Variants in SLC25A17 observed in about 807,000 individuals in gnomAD.
SLC25A17 encodes the protein peroxisomal membrane protein PMP34.
Under a neutral mutation model 38.5 loss-of-function variants are expected in SLC25A17, and 26 were observed. That is an observed-to-expected ratio of 0.68 (90% confidence interval 0.50 to 0.94). The LOEUF is 0.94. Ranked by LOEUF, SLC25A17 falls within the 40% of genes least tolerant of loss-of-function variation. SLC25A17 has a pLI of 0.00. For missense variants in SLC25A17, 333 were observed against 372.7 expected, an observed-to-expected ratio of 0.89 and a Z score of 0.88; for synonymous variants, 139 against 136.2, an observed-to-expected ratio of 1.02 and a Z score of -0.14.
intron 1 of SLC25A17, chr22:40,799,754 T>A (rs948339261): frequency 6.6e-6 from 1 of 152,148 alleles, no homozygotes; most frequent in African/African-American, 2.4e-5. Context: ...TTTTAATCTA[T>A]TAGGATTAGC....
chr22:40,793,618 CT>C (rs368063631), intron 3 of SLC25A17, among the ~76,000 whole-genome samples: 30 of 146,354 alleles, frequency 2.0e-4, no homozygotes, highest in South Asian at 2.2e-4. Context: ...TTTCTATTTT[CT>C]TTTTTTTTTT....
At chr22:40,795,515 C>A (rs2057421079) in intron 2 of SLC25A17, among the ~76,000 whole-genome samples, 1 of 151,630 alleles carries the variant, frequency 6.6e-6, no homozygotes, top group Admixed American at 6.6e-5. Flanking sequence ...TGGTCTTGAT[C>A]TCCTGACCTC....
intron 1 of SLC25A17, among the ~76,000 whole-genome samples, chr22:40,801,981 G>A (rs766628554): frequency 5.9e-5 from 9 of 152,068 alleles, no homozygotes; most frequent in Admixed American, 2.6e-4. Context: ...TAGTGGAGAC[G>A]GGGTTTCATC....
At position 40,789,260 on chromosome 22, in the gene SLC25A17, C is replaced by T. The variant is rs551053622; in HGVS notation, c.334+3265G>A. ...CAGATGCTTCGTAATGCAGTCTGCT[C>T]GAGGCATGGGCTGCAGCCCGGTCCC... On this transcript the variant is annotated intron_variant, in intron 4 of 8. Coordinates refer to ENST00000435456, the MANE Select transcript of SLC25A17 (RefSeq NM_006358.4). This position sits in a 1 kb window ranked among gnomAD's most constrained non-coding sequence, Gnocchi z 4.5. The T allele has an allele frequency of 1.2e-3, 203 of 165,746 alleles. 1 individual carries two copies. Among genetic ancestry groups the T allele is most frequent in the Admixed American group, 1.9e-3 (30 of 15,614 alleles). The allele number at this position is 165,746 out of a possible 1,614,324, so 10.3% of individuals were successfully genotyped here.
chr22:40,812,765 T>C (rs763719852), intron 1 of SLC25A17, among the ~76,000 whole-genome samples: 1 of 152,040 alleles, frequency 6.6e-6, no homozygotes, highest in Non-Finnish European at 1.5e-5. Flanking sequence ...CCCAGCACTT[T>C]AGGAGGTGGG....
chr22:40,802,304 C>T (rs2057490918), intron 1 of SLC25A17, among the ~76,000 whole-genome samples: 1 of 152,104 alleles, frequency 6.6e-6, no homozygotes, highest in South Asian at 2.1e-4. Context: ...GAACAGTCAG[C>T]CCAAACAGCT....
intron 8 of SLC25A17, among the ~76,000 whole-genome samples, chr22:40,771,225 A>C (rs1261597673): frequency 6.6e-6 from 1 of 152,044 alleles, no homozygotes; most frequent in Non-Finnish European, 1.5e-5. Flanking sequence ...CTCCTGCCTC[A>C]GCCTCCCTAG....
intron 7 of SLC25A17, among the ~76,000 whole-genome samples, chr22:40,775,835 TG>T (rs1204067595): frequency 6.6e-6 from 1 of 152,192 alleles, no homozygotes; most frequent in Non-Finnish European, 1.5e-5. Context: ...AGGACATGTT[TG>T]CTTCCCCTTC....
chr22:40,786,850 T>C (rs572289162), intron 4 of SLC25A17, among the ~76,000 whole-genome samples: 2 of 152,310 alleles, frequency 1.3e-5, no homozygotes, highest in South Asian at 2.1e-4. Flanking sequence ...AGGGCTGCCA[T>C]TTAGTAAAAT....
intron 1 of SLC25A17, among the ~76,000 whole-genome samples, chr22:40,802,739 C>T (rs1168820551): frequency 1.3e-5 from 2 of 152,126 alleles, no homozygotes; most frequent in African/African-American, 2.4e-5. Context: ...TAGCTGAAAA[C>T]CCACCACTGC....
At position 40,789,279 on chromosome 22, in the gene SLC25A17, C is replaced by G. The variant is rs117904694; in HGVS notation, c.334+3246G>C. The G allele has an allele frequency of 6.2e-6, 1 of 160,344 alleles. No individual in the cohort carries two copies. Among genetic ancestry groups the G allele is most frequent in the Non-Finnish European group, 1.4e-5 (1 of 72,882 alleles). 9.9% of individuals were successfully genotyped at this position (160,344 alleles called of 1,614,324 possible). ...TCTGCTCGAGGCATGGGCTGCAGCCCGGTCCCTGCGTCCTACAGAGACACC... is the reference window on the plus strand; with the variant it reads ...TCTGCTCGAGGCATGGGCTGCAGCCGGGTCCCTGCGTCCTACAGAGACACC... On this transcript the variant is annotated intron_variant, in intron 4 of 8. Transcript: ENST00000435456. This position sits in a 1 kb window ranked among gnomAD's most constrained non-coding sequence, Gnocchi z 4.5.
intron 4 of SLC25A17, among the ~76,000 whole-genome samples, chr22:40,785,406 T>C (rs764036365): frequency 1.3e-5 from 2 of 152,184 alleles, no homozygotes; most frequent in Non-Finnish European, 2.9e-5. Flanking sequence ...AAAAAAGCTC[T>C]GTTAAACATA....
intron 1 of SLC25A17, chr22:40,799,798 T>A (rs1602616127): frequency 6.6e-6 from 1 of 152,200 alleles, no homozygotes; most frequent in African/African-American, 2.4e-5. Flanking sequence ...TTAGTAGAAG[T>A]ATTTAATTTT....
At chr22:40,781,026 C>G (rs1245903613) in intron 4 of SLC25A17, among the ~76,000 whole-genome samples, 1 of 151,834 alleles carries the variant, frequency 6.6e-6, no homozygotes, top group Non-Finnish European at 1.5e-5. Flanking sequence ...TAAAAATTAG[C>G]CAGGCAGGGT....
At chr22:40,778,038 T>C (rs761461064) in intron 5 of SLC25A17, among the ~76,000 whole-genome samples, 6 of 152,124 alleles carry the variant, frequency 3.9e-5, no homozygotes, top group African/African-American at 7.2e-5. Flanking sequence ...GATAAGATCG[T>C]TTCCTAGAAT....
chr22:40,774,576 G>T (rs970357659), intron 7 of SLC25A17, among the ~76,000 whole-genome samples: 1 of 152,054 alleles, frequency 6.6e-6, no homozygotes, highest in African/African-American at 2.4e-5. Flanking sequence ...TTATAGAGAG[G>T]TATAGGGAAA....
At chr22:40,782,381 CTT>C (rs1224191180) in intron 4 of SLC25A17, among the ~76,000 whole-genome samples, 1 of 152,060 alleles carries the variant, frequency 6.6e-6, no homozygotes, top group Non-Finnish European at 1.5e-5. Flanking sequence ...TATTTTCTTT[CTT>C]TCTTTTATGT....
Position 40,803,827 on chromosome 22 carries a change from T to G in SLC25A17, c.55-4744A>C, listed in dbSNP as rs886391979. 1.4e-4 allele frequency among the ~76,000 whole-genome samples: 22 copies of G among 151,942 alleles called. No homozygotes were observed. The East Asian group carries it at 2.9e-3, about 20-fold the overall frequency. On this transcript the variant is annotated intron_variant, in intron 1 of 8. Coordinates refer to ENST00000435456, the MANE Select transcript of SLC25A17 (RefSeq NM_006358.4). ...CAGCATTTGCTAGTTTTTGTTTTTT[T>G]TTTTTTTTTAATGGCTAAGTTGGAA... is the stretch of plus-strand genomic sequence containing the variant.
intron 4 of SLC25A17, chr22:40,784,592 G>A: frequency 3.9e-6 from 1 of 259,664 alleles, no homozygotes; most frequent in Non-Finnish European, 8.3e-6. Flanking sequence ...GGGCAACACA[G>A]AAAGACCCCC....
Sources: gnomAD v4.1 joint callset for allele counts (sites outside exome capture counted in the v4.1 genomes callset) on GRCh38, gnomAD v4.1.1 for gene constraint, Gnocchi (gnomAD v3.1) non-coding constraint, MANE v1.5 for transcripts, NCBI Gene and HGNC (gene_info 2026-07-23, HGNC 2026-07-21) for gene names.